The following IGSF11 variants were observed in gnomAD, a reference collection of about 807,000 sequenced individuals.
IGSF11 encodes the protein immunoglobulin superfamily member 11, also known as CXADR like 1.
A neutral mutation model predicts 41.0 loss-of-function variants in IGSF11; 22 were observed. That is an observed-to-expected ratio of 0.54 (90% CI 0.38 to 0.77). The LOEUF (loss-of-function observed/expected upper bound fraction) is 0.77. Among genes scored for constraint, IGSF11 ranks in the 30% least tolerant of loss-of-function variants. The pLI, the probability that IGSF11 is intolerant of heterozygous loss-of-function variation, is 0.00. For synonymous variants in IGSF11, 219 were observed against 201.3 expected, an observed-to-expected ratio of 1.09 and a Z score of -0.74; for missense variants, 444 against 530.8, an observed-to-expected ratio of 0.84 and a Z score of 1.61.
intron 1 of IGSF11, among the ~76,000 whole-genome samples, chr3:119,103,093 G>C (rs904884049): frequency 6.6e-6 from 1 of 151,174 alleles, no homozygotes; most frequent in African/African-American, 2.4e-5. Flanking sequence ...CGCCTCCCGG[G>C]TTCATGCCAT....
intron 4 of IGSF11, among the ~76,000 whole-genome samples, chr3:118,907,140 T>A (rs2107473389): frequency 6.6e-6 from 1 of 152,306 alleles, no homozygotes; most frequent in South Asian, 2.1e-4. Context: ...GCTATCCCCA[T>A]CCTGGGTTAC....
Position 118,905,738 on chromosome 3 carries a change from C to T in IGSF11, c.581-20G>A, listed in dbSNP as rs767335860. Reference sequence around the variant, plus strand: ...CCTGGTCTGTCACAAAAATAATAACCGAGTGAGGATTTGGCGGGACTAATA... The same window carrying T: ...CCTGGTCTGTCACAAAAATAATAACTGAGTGAGGATTTGGCGGGACTAATA... On this transcript the variant is annotated intron_variant, in intron 4 of 6. Coordinates refer to ENST00000393775, the MANE Select transcript of IGSF11 (RefSeq NM_001015887.3). 8.1e-6 allele frequency: 13 copies of T among 1,612,646 alleles called. No individual in the cohort carries two copies. Among genetic ancestry groups the T allele is most frequent in the African/African-American group, 1.3e-5 (1 of 74,864 alleles).
intron 1 of IGSF11, among the ~76,000 whole-genome samples, chr3:119,085,240 T>C (rs1298547681): frequency 6.6e-6 from 1 of 152,152 alleles, no homozygotes; most frequent in Non-Finnish European, 1.5e-5. Flanking sequence ...CTGTCGCCCA[T>C]TGTCTCAAGC....
At chr3:118,941,101 A>T (rs1943658812) in intron 1 of IGSF11, among the ~76,000 whole-genome samples, 1 of 152,044 alleles carries the variant, frequency 6.6e-6, no homozygotes, top group East Asian at 1.9e-4. Context: ...CCACTTAAAA[A>T]TGGGTAAGAC....
At chr3:118,989,881 C>T (rs968055632) in intron 1 of IGSF11, among the ~76,000 whole-genome samples, 2 of 152,036 alleles carry the variant, frequency 1.3e-5, no homozygotes, top group African/African-American at 2.4e-5. Context: ...AATGGCCTTT[C>T]GGATTTAAGA....
intron 1 of IGSF11, among the ~76,000 whole-genome samples, chr3:119,132,365 A>G (rs2077493831): frequency 8.1e-6 from 1 of 123,696 alleles, no homozygotes; most frequent in Non-Finnish European, 1.6e-5. Context: ...AGGTCTACCA[A>G]GCAAACAGAA....
At position 119,017,864 on chromosome 3, in the gene IGSF11, C is replaced by T. The variant is rs1248401569; in HGVS notation, c.52+16667G>A. Among the ~76,000 whole-genome samples, 9 of 145,376 alleles carry T rather than the reference C, an allele frequency of 6.2e-5. No homozygotes were observed. In the Admixed American group the frequency reaches 6.4e-4, roughly 10 times the overall value. ...ATGGTGTGATCTCGGCTCACTGCAA[C>T]CTCTGCCTCCTGGGTTCAGGCGGTT... is the stretch of plus-strand genomic sequence containing the variant. On this transcript the variant is annotated intron_variant, in intron 1 of 6. Transcript: ENST00000393775.
chr3:118,983,753 T>C (rs571281403), intron 1 of IGSF11, among the ~76,000 whole-genome samples: 1 of 152,300 alleles, frequency 6.6e-6, no homozygotes, highest in Non-Finnish European at 1.5e-5. Flanking sequence ...TAAGCAATTT[T>C]CCACTATATC....
intron 1 of IGSF11, among the ~76,000 whole-genome samples, chr3:119,063,423 T>G (rs1160930870): frequency 6.6e-6 from 1 of 152,222 alleles, no homozygotes; most frequent in Non-Finnish European, 1.5e-5. Context: ...AATCATGTTT[T>G]CTTGTAAATT....
At chr3:118,905,742 T>C in intron 4 of IGSF11, 24 bp from the exon 5 acceptor site, 1 of 1,612,676 alleles carries the variant, frequency 6.2e-7, no homozygotes. Context: ...AATAACCGAG[T>C]GAGGATTTGG....
chr3:118,944,628 CTT>C (rs1450937174), intron 1 of IGSF11, among the ~76,000 whole-genome samples: 3 of 152,094 alleles, frequency 2.0e-5, no homozygotes, highest in Non-Finnish European at 4.4e-5. Context: ...AGTCACGACA[CTT>C]TAAATTCTCT....
At chr3:119,035,536 G>A (rs1336728270), upstream of IGSF11, among the ~76,000 whole-genome samples, 1 of 152,168 alleles carries the variant, frequency 6.6e-6, no homozygotes. Context: ...AAACGTTAGT[G>A]CTTTCTTAAA....
intron 1 of IGSF11, among the ~76,000 whole-genome samples, chr3:118,991,567 A>C (rs1181464079): frequency 6.6e-6 from 1 of 152,226 alleles, no homozygotes; most frequent in Admixed American, 6.5e-5. Context: ...AAAAAGTTTA[A>C]TTTCCCTAAA....
intron 1 of IGSF11, among the ~76,000 whole-genome samples, chr3:119,074,831 G>A (rs756590943): frequency 2.6e-4 from 39 of 152,048 alleles, no homozygotes; most frequent in Non-Finnish European, 4.9e-4. Flanking sequence ...CAGCCTGGGC[G>A]ACAGAGCGAG....
intron 5 of IGSF11, 26 bp from the exon 6 acceptor site, chr3:118,904,824 T>C: frequency 1.3e-6 from 2 of 1,565,474 alleles, no homozygotes; most frequent in Non-Finnish European, 1.7e-6. Flanking sequence ...AAGATATATT[T>C]AAAGAAAAGA....
Position 118,905,600 on chromosome 3 carries a change from A to C in IGSF11, c.699T>G (p.Ile233Met), listed in dbSNP as rs1939490882. 1 of 1,613,754 alleles carries C rather than the reference A, an allele frequency of 6.2e-7. No homozygotes were observed. The highest frequency in any genetic ancestry group is 1.3e-5 in the African/African-American group (1 of 74,920). ...TSTCLLDLQV[I>M]SPQPRNIGLI... is the part of the protein sequence containing the mutation. ...TCAGAATTTCCATATGCTTACGTGA[A>C]ATAACCTGGAGATCCAGAAGACAGG... The change falls in exon 5 of 7, where the codon ATT (isoleucine) becomes ATG (methionine). Residue 233 changes from isoleucine to methionine, a missense_variant. By Grantham distance (10) the Ile-to-Met change is conservative. Coordinates refer to ENST00000393775, the MANE Select transcript of IGSF11 (RefSeq NM_001015887.3).
intron 1 of IGSF11, among the ~76,000 whole-genome samples, chr3:119,140,077 A>G (rs1046307885): frequency 6.6e-6 from 1 of 152,132 alleles, no homozygotes; most frequent in Non-Finnish European, 1.5e-5. Flanking sequence ...AACACAATAA[A>G]AGAAAGACTT....
At chr3:119,140,167 T>C (rs1002132872) in intron 1 of IGSF11, among the ~76,000 whole-genome samples, 53 of 152,040 alleles carry the variant, frequency 3.5e-4, no homozygotes, top group Middle Eastern at 3.2e-3. Context: ...AAGGCAGAGA[T>C]AGTCAGAATG....
intron 1 of IGSF11, among the ~76,000 whole-genome samples, chr3:119,032,829 T>C (rs2107737112): frequency 6.6e-6 from 1 of 152,226 alleles, no homozygotes; most frequent in East Asian, 1.9e-4. Context: ...GCAAACTCCT[T>C]ACGGGCTGCA....
Sources: allele counts gnomAD v4.1 joint callset (sites outside exome capture counted in the v4.1 genomes callset), GRCh38; gene constraint gnomAD v4.1.1; transcripts MANE v1.5; gene names NCBI Gene and HGNC (gene_info 2026-07-23, HGNC 2026-07-21).